Variants in DMD observed in about 807,000 individuals in gnomAD.
DMD encodes dystrophin, also known as mutant dystrophin.
Under a neutral mutation model 330.1 loss-of-function variants are expected in DMD, and 63 were observed. The ratio of observed to expected loss-of-function variants is 0.19; its 90% CI spans 0.16 to 0.24. The LOEUF (loss-of-function observed/expected upper bound fraction) is 0.24. Ranked by LOEUF, DMD falls within the 10% of genes least tolerant of loss-of-function variation. The pLI, the probability that DMD is intolerant of heterozygous loss-of-function variation, is 1.00. For synonymous variants in DMD, 1,223 were observed against 959.8 expected, an observed-to-expected ratio of 1.27 and a Z score of -5.07; for missense variants, 3,344 against 2,684.1, an observed-to-expected ratio of 1.25 and a Z score of -5.43.
chrX:32,585,598 T>C (rs7884965), intron 13 of DMD, among the ~76,000 whole-genome samples: 1 of 96,978 alleles, frequency 1.0e-5, no homozygotes, highest in Non-Finnish European at 2.0e-5. Context: ...TACTCGGGAG[T>C]CTGAGGTAGG....
intron 43 of DMD, among the ~76,000 whole-genome samples, chrX:32,282,178 C>T (rs1157985139): frequency 9.0e-6 from 1 of 111,427 alleles, no homozygotes; most frequent in African/African-American, 3.3e-5. Context: ...TCACTAATGG[C>T]TTACAGGATA....
chrX:32,663,008 A>G (rs761048283), intron 9 of DMD, among the ~76,000 whole-genome samples: 39 of 112,067 alleles, frequency 3.5e-4, no homozygotes, highest in African/African-American at 1.1e-3. Context: ...ATCTTTAGCG[A>G]TATCACCTGC....
At position 32,363,354 on chromosome X, in the gene DMD, G is replaced by A. The variant is rs775115063; in HGVS notation, c.5155-396C>T. The stretch of plus-strand genomic sequence containing the variant: ...ATTTAATAGTTGTGGAATGAACTAA[G>A]TATGTGCTCAGGAGGTCAGGTAGCT... On this transcript the variant is annotated intron_variant, in intron 36 of 78. Transcript: ENST00000357033. Among the ~76,000 whole-genome samples the A allele has an allele frequency of 2.7e-5, 3 of 111,760 alleles. No homozygotes were observed. In the South Asian group the frequency reaches 1.1e-3, roughly 42 times the overall value.
intron 61 of DMD, among the ~76,000 whole-genome samples, chrX:31,337,208 C>G (rs1404266894): frequency 1.8e-5 from 2 of 110,659 alleles, no homozygotes; most frequent in African/African-American, 6.6e-5. Context: ...TAGGTGTGAG[C>G]CACCGCGCCC....
intron 1 of DMD, among the ~76,000 whole-genome samples, chrX:33,093,710 A>G (rs1279952803): frequency 9.0e-6 from 1 of 111,620 alleles, no homozygotes; most frequent in African/African-American, 3.3e-5. Context: ...GTTTTGATTG[A>G]AACGGTGTAA....
In DMD at chrX:31,182,703, G is replaced by GA. The variant is rs773146908; in HGVS notation, c.9974+34dup. 14 of 1,147,881 alleles carry GA rather than the reference G, an allele frequency of 1.2e-5. 1 individual carries two copies. Among genetic ancestry groups the GA allele is most frequent in the South Asian group, 5.5e-5 (3 of 54,937 alleles). 94.6% of individuals were successfully genotyped at this position (1,147,881 alleles called of 1,213,427 possible). On this transcript the variant is annotated intron_variant, in intron 68 of 78. Transcript: ENST00000357033. ...GTCATAAAAAGGTGAAAAATGATGA[G>GA]AAAAAAATGACATTTTTTTTTTGGT...
chrX:32,963,916 G>T (rs941036759), intron 2 of DMD, among the ~76,000 whole-genome samples: 1 of 111,272 alleles, frequency 9.0e-6, no homozygotes, highest in Non-Finnish European at 1.9e-5. Flanking sequence ...TCATGCATTC[G>T]CAGTGATGCC....
At chrX:32,012,878 G>C (rs2095722273) in intron 44 of DMD, among the ~76,000 whole-genome samples, 1 of 110,657 alleles carries the variant, frequency 9.0e-6, no homozygotes, top group African/African-American at 3.3e-5. Flanking sequence ...CTCCAGGCAG[G>C]CAAGTATTGT....
intron 37 of DMD, among the ~76,000 whole-genome samples, chrX:32,360,158 A>G (rs2097825987): frequency 8.9e-6 from 1 of 111,931 alleles, no homozygotes; most frequent in African/African-American, 3.2e-5. Flanking sequence ...ATGAAGATGA[A>G]TTAGTGTTAA....
At chrX:31,329,426 A>G (rs1030305715) in intron 61 of DMD, among the ~76,000 whole-genome samples, 1 of 112,027 alleles carries the variant, frequency 8.9e-6, no homozygotes, top group African/African-American at 3.2e-5. Flanking sequence ...ATGCTCAGTG[A>G]AATAAGCCAG....
rs1569560605 is a variant in DMD, at chrX:32,385,623, T to TTTTAAACCATCAAAG, written c.4674+686_4674+687insCTTTGATGGTTTAAA. 1.5e-3 allele frequency among the ~76,000 whole-genome samples: 172 copies of TTTTAAACCATCAAAG among 111,030 alleles called. 1 individual carries two copies. Among genetic ancestry groups the TTTTAAACCATCAAAG allele is most frequent in the African/African-American group, 5.4e-3 (167 of 30,698 alleles). On this transcript the variant is annotated intron_variant, in intron 33 of 78. Transcript: ENST00000357033. Reference sequence around the variant, plus strand: ...GTGAAGAGACTACTTACTATCATAATCTATACAGAATATTTGAGTTGAGCG... The same window carrying TTTTAAACCATCAAAG: ...GTGAAGAGACTACTTACTATCATAATTTTAAACCATCAAAGCTATACAGAATATTTGAGTTGAGCG...
intron 77 of DMD, among the ~76,000 whole-genome samples, chrX:31,127,449 G>C (rs141711780): frequency 1.4e-3 from 160 of 112,549 alleles, no homozygotes; most frequent in African/African-American, 5.0e-3. Context: ...TCTATGATAA[G>C]TCATAATTGG....
At chrX:32,220,812 G>A (rs1474517968) in intron 43 of DMD, among the ~76,000 whole-genome samples, 1 of 110,399 alleles carries the variant, frequency 9.1e-6, no homozygotes, top group Non-Finnish European at 1.9e-5. Context: ...AGCATTCAGG[G>A]AAACAAATAT....
rs948360900 is a variant in DMD at position 33,226,880 on chromosome X, T to C, written c.7+112379A>G. 2.7e-5 allele frequency among the ~76,000 whole-genome samples: 3 copies of C among 109,961 alleles called. No individual in the cohort carries two copies. In the Admixed American group the frequency reaches 3.0e-4, roughly 11 times the overall value. ...GCCATACGACACTGACATTCGTGCATACAAATAAATATAAGATAAAACTAC... is the reference window on the plus strand; with the variant it reads ...GCCATACGACACTGACATTCGTGCACACAAATAAATATAAGATAAAACTAC... On this transcript the variant is annotated intron_variant, in intron 1 of 17. Transcript: ENST00000288447.
intron 7 of DMD, among the ~76,000 whole-genome samples, chrX:32,750,853 G>C (rs917845167): frequency 1.3e-4 from 15 of 111,445 alleles, no homozygotes; most frequent in Non-Finnish European, 2.4e-4. Context: ...TGGATCATGG[G>C]GTCAGGTATT....
chrX:32,031,479 A>G (rs140150729), intron 44 of DMD, among the ~76,000 whole-genome samples: 4,134 of 111,272 alleles, frequency 0.037, 72 homozygotes, highest in Non-Finnish European at 0.06. Flanking sequence ...AAAAATCCAC[A>G]TATTCACCAA....
intron 2 of DMD, among the ~76,000 whole-genome samples, chrX:32,996,261 G>A (rs1985529393): frequency 9.1e-6 from 1 of 110,118 alleles, no homozygotes; most frequent in Non-Finnish European, 1.9e-5. Flanking sequence ...GACATTTTTG[G>A]ATAAAATAAT....
chrX:32,953,644 T>A (rs1336237489), intron 2 of DMD, among the ~76,000 whole-genome samples: 1 of 112,042 alleles, frequency 8.9e-6, no homozygotes, highest in Non-Finnish European at 1.9e-5. Flanking sequence ...ATATTCACTA[T>A]AGATCATGAA....
chrX:33,310,928 C>T (rs1247599721), intron 1 of DMD, among the ~76,000 whole-genome samples: 1 of 110,689 alleles, frequency 9.0e-6, no homozygotes, highest in Non-Finnish European at 1.9e-5. Context: ...TTGTTTCATG[C>T]ACCAGAGAAA....
Sources: allele counts gnomAD v4.1 joint callset (sites outside exome capture counted in the v4.1 genomes callset), GRCh38; gene constraint gnomAD v4.1.1; transcripts MANE v1.5; gene names NCBI Gene and HGNC (gene_info 2026-07-23, HGNC 2026-07-21).